Variants in PNPLA7 observed in about 807,000 individuals in gnomAD.
The protein encoded by PNPLA7 is patatin-like phospholipase domain-containing protein 7.
PNPLA7 carries 153 observed loss-of-function variants against 161.7 expected under a neutral mutation model. The ratio of observed to expected loss-of-function variants is 0.95; its 90% CI spans 0.83 to 1.08. The LOEUF is 1.08. PNPLA7 is among the 50% of genes least tolerant of loss of function. The pLI is 0.00. For missense variants in PNPLA7, 1,739 were observed against 1,856.6 expected (o/e 0.94, Z 1.16); for synonymous variants, 809 against 782.1 (o/e 1.03, Z -0.57).
At chr9:137,482,216 A>G (rs10116708) in intron 21 of PNPLA7, among the ~76,000 whole-genome samples, 11,034 of 152,280 alleles carry the variant, frequency 0.072, 1,326 homozygotes, top group African/African-American at 0.25. Context: ...CACAGGATCC[A>G]GCAATCATGC....
chr9:137,463,824 C>T (rs2132061175), intron 28 of PNPLA7, among the ~76,000 whole-genome samples: 1 of 152,206 alleles, frequency 6.6e-6, no homozygotes, highest in African/African-American at 2.4e-5. Context: ...CCAGGTGAGC[C>T]CCTCACCCCA....
chr9:137,547,046 G>A lies in PNPLA7; in HGVS notation c.194-137C>T, dbSNP rs1377740268. ...TACTCAGACAGCATGAGGGAAGAGG[G>A]CCTGAGTGACAGGCTCATCTCCAAC... On this transcript the variant is annotated intron_variant, in intron 3 of 34. Coordinates refer to ENST00000406427, the MANE Select transcript of PNPLA7 (RefSeq NM_001098537.3). The surrounding 1 kb of genome is among the most constrained non-coding windows in gnomAD (Gnocchi z 4.6). The A allele has an allele frequency of 9.6e-6, 8 of 833,016 alleles. No homozygotes were observed. Among genetic ancestry groups the A allele is most frequent in the African/African-American group, 6.8e-5 (4 of 59,138 alleles). 51.6% of individuals were successfully genotyped at this position (833,016 alleles called of 1,614,324 possible).
intron 24 of PNPLA7, chr9:137,478,806 T>G (rs1832063778): frequency 1.3e-5 from 6 of 449,118 alleles, no homozygotes; most frequent in Non-Finnish European, 1.9e-5. Context: ...ATCCCCGGGG[T>G]TCGCTGAGCC....
In PNPLA7 at chr9:137,524,879, A is replaced by G. The variant is rs1835223237; in HGVS notation, c.748-2022T>C. 6.6e-6 allele frequency among the ~76,000 whole-genome samples: 1 copy of G among 152,154 alleles called. No homozygotes were observed. Among genetic ancestry groups the G allele is most frequent in the African/African-American group, 2.4e-5 (1 of 41,420 alleles). On this transcript the variant is annotated intron_variant, in intron 8 of 34. Transcript: ENST00000406427. The surrounding 1 kb of genome is among the most constrained non-coding windows in gnomAD (Gnocchi z 4.4). ...TGCCCCGTGGAATGAGTTTCCGTGGATGCCTGTCTTCACCAGCAGTTGGTG... is the reference window on the plus strand; with the variant it reads ...TGCCCCGTGGAATGAGTTTCCGTGGGTGCCTGTCTTCACCAGCAGTTGGTG...
chr9:137,478,048 C>T lies in PNPLA7; in HGVS notation c.2868G>A (p.Gly956=). The stretch of plus-strand genomic sequence containing the variant: ...GGGGGACTCACCTTGCTCCCCCTCC[C>T]CCAAGCACCAGGGCAATGGCGTTGC... ...LTGNAIALVL[G]GGGARGCAQV... Residue 956 remains glycine (G), a synonymous_variant, in exon 25 of 35, where the codon GGG becomes GGA. Coordinates refer to ENST00000406427, the MANE Select transcript of PNPLA7 (RefSeq NM_001098537.3). 7.0e-7 allele frequency: 1 copy of T among 1,433,872 alleles called. No homozygotes were observed. Among genetic ancestry groups the T allele is most frequent in the Non-Finnish European group, 9.2e-7 (1 of 1,090,104 alleles). The allele number at this position is 1,433,872 out of a possible 1,614,324, so 88.8% of individuals were successfully genotyped here.
intron 29 of PNPLA7, chr9:137,463,195 T>A (rs1242044485): frequency 1.8e-5 from 11 of 595,228 alleles, no homozygotes; most frequent in East Asian, 2.8e-5. Context: ...AACAGGGCCA[T>A]ATGCTGGAGC....
chr9:137,507,624 G>A (rs779948281), intron 12 of PNPLA7, among the ~76,000 whole-genome samples: 1 of 152,120 alleles, frequency 6.6e-6, no homozygotes, highest in African/African-American at 2.4e-5. Flanking sequence ...AGCTGAGATC[G>A]CACCATTGCA....
At chr9:137,478,440 A>AG (rs1163756577) in intron 24 of PNPLA7, 17 of 314,112 alleles carry the variant, frequency 5.4e-5, no homozygotes, top group African/African-American at 6.4e-5. Flanking sequence ...GGGGGGCCAG[A>AG]AGGCATCCTC....
chr9:137,479,546 A>T, intron 23 of PNPLA7: 1 of 1,099,016 alleles, frequency 9.1e-7, no homozygotes, highest in Non-Finnish European at 1.1e-6. Flanking sequence ...TTTGCAAACA[A>T]ACTCTCACAA....
intron 20 of PNPLA7, chr9:137,491,396 A>T (rs957879441): frequency 3.7e-6 from 3 of 821,584 alleles, no homozygotes; most frequent in African/African-American, 3.7e-5. Flanking sequence ...CACACAAAAG[A>T]TAAAGATTGT....
chr9:137,471,593 G>A (rs1831709794), intron 25 of PNPLA7, among the ~76,000 whole-genome samples: 2 of 119,782 alleles, frequency 1.7e-5, no homozygotes, highest in South Asian at 5.2e-4. Flanking sequence ...GCAAGACTCC[G>A]TCTCAAAAAA....
intron 8 of PNPLA7, among the ~76,000 whole-genome samples, chr9:137,535,980 G>A (rs546722614): frequency 3.3e-5 from 5 of 151,446 alleles, no homozygotes; most frequent in East Asian, 3.9e-4. Context: ...GTGAAACCCC[G>A]TCTCTACTAA....
At chr9:137,548,449 G>A (rs1158629377) in intron 1 of PNPLA7, among the ~76,000 whole-genome samples, 3 of 152,200 alleles carry the variant, frequency 2.0e-5, no homozygotes, top group Admixed American at 2.0e-4. Context: ...TCCCATCCGT[G>A]CCAGAAAATC....
In PNPLA7 at chr9:137,464,359, A is replaced by C. The variant is rs755576933; in HGVS notation, c.3137T>G (p.Phe1046Cys). ...AGFNSSIFSV[F>C]KDQQIEDLWI... Reference sequence around the variant, plus strand: ...GTGCACCTCGATCTGCTGGTCCTTGAAGACGCTGAAGATGCTGCTGTTGAA... The same window carrying C: ...GTGCACCTCGATCTGCTGGTCCTTGCAGACGCTGAAGATGCTGCTGTTGAA... The change falls in exon 27 of 35, where the codon TTC (phenylalanine) becomes TGC (cysteine). Residue 1046 changes from phenylalanine (F) to cysteine (C), a missense_variant. By Grantham distance (205) the Phe-to-Cys change is radical (BLOSUM62 -2). Around this residue, in one of 6 missense-constraint regions of PNPLA7, gnomAD observed 703 missense variants for 694.6 expected, o/e 1.01. Coordinates refer to ENST00000406427, the MANE Select transcript of PNPLA7 (RefSeq NM_001098537.3). 13 of 1,613,648 alleles carry C rather than the reference A, an allele frequency of 8.1e-6. No individual in the cohort carries two copies. The highest frequency in any genetic ancestry group is 4.0e-5 in the African/African-American group (3 of 74,866).
chr9:137,540,886 C>T lies in PNPLA7; in HGVS notation c.667-164G>A, dbSNP rs1362089484. ...ATGGAGGGCAGGGGACAAGATGGAC[C>T]TGCTGGCATCAGGGGTACAACACAC... On this transcript the variant is annotated intron_variant, in intron 7 of 34. Coordinates refer to ENST00000406427, the MANE Select transcript of PNPLA7 (RefSeq NM_001098537.3). This position sits in a 1 kb window ranked among gnomAD's most constrained non-coding sequence, Gnocchi z 5.1. 9.7e-6 allele frequency: 6 copies of T among 618,644 alleles called. No homozygotes were observed. Among genetic ancestry groups the T allele is most frequent in the Non-Finnish European group, 1.7e-5 (6 of 343,502 alleles). The allele number at this position is 618,644 out of a possible 1,614,324, so 38.3% of individuals were successfully genotyped here. A position where few individuals can be genotyped will look rare whatever the true frequency, so the allele number is the denominator to read the frequency against.
At chr9:137,484,773 C>T (rs1414531466) in intron 20 of PNPLA7, 37 bp from the exon 21 acceptor site, 3 of 1,551,874 alleles carry the variant, frequency 1.9e-6, no homozygotes, top group African/African-American at 2.7e-5. Flanking sequence ...TGGGACAGCC[C>T]ACACGCTCAC....
intron 12 of PNPLA7, chr9:137,509,858 G>C (rs1428680679): frequency 2.8e-5 from 11 of 386,728 alleles, no homozygotes; most frequent in Admixed American, 2.9e-5. Context: ...AGTTATACCA[G>C]ATATAGATCT....
intron 18 of PNPLA7, among the ~76,000 whole-genome samples, chr9:137,496,230 C>A (rs987033508): frequency 6.6e-6 from 1 of 151,620 alleles, no homozygotes. Context: ...GCCTCAGCCT[C>A]CCGAGTAGCT....
At chr9:137,466,681 AC>A in intron 26 of PNPLA7, among the ~76,000 whole-genome samples, 1 of 136,112 alleles carries the variant, frequency 7.3e-6, no homozygotes, top group African/African-American at 2.8e-5. Context: ...ACCACCTCCC[AC>A]CACCATCTCC....
Sources: gnomAD v4.1 joint callset for allele counts (sites outside exome capture counted in the v4.1 genomes callset) on GRCh38, gnomAD v4.1.1 for gene constraint, gnomAD v4.1.1 regional missense constraint, Gnocchi (gnomAD v3.1) non-coding constraint, MANE v1.5 for transcripts, NCBI Gene and HGNC (gene_info 2026-07-23, HGNC 2026-07-21) for gene names.